The following CORO2B variants were observed in gnomAD, a reference collection of about 807,000 sequenced individuals.
The protein encoded by CORO2B is coronin 2B.
CORO2B carries 26 observed loss-of-function variants against 58.8 expected under a neutral mutation model. The observed-to-expected ratio is 0.44, with a 90% confidence interval of 0.32 to 0.61. The LOEUF (loss-of-function observed/expected upper bound fraction) is 0.61. Among genes scored for constraint, CORO2B ranks in the 20% least tolerant of loss-of-function variants. The pLI is 0.04. For missense variants in CORO2B, 460 were observed against 645.1 expected, an observed-to-expected ratio of 0.71 and a Z score of 3.11; for synonymous variants, 242 against 253.8, an observed-to-expected ratio of 0.95 and a Z score of 0.44.
At chr15:68,581,405 C>A (rs577190588) in intron 1 of CORO2B, among the ~76,000 whole-genome samples, 8 of 152,234 alleles carry the variant, frequency 5.3e-5, no homozygotes, top group Admixed American at 5.2e-4. Flanking sequence ...AGGAAAGGCA[C>A]TGGGGACTGC....
intron 1 of CORO2B, among the ~76,000 whole-genome samples, chr15:68,611,050 A>G (rs193054608): frequency 1.3e-5 from 2 of 152,224 alleles, no homozygotes; most frequent in Non-Finnish European, 2.9e-5. Context: ...AGCTAAGCTA[A>G]TCCAACCTCA....
the CORO2B span, among the ~76,000 whole-genome samples, chr15:68,523,961 C>T: frequency 4.0e-3 from 609 of 152,282 alleles, 6 homozygotes; most frequent in African/African-American, 0.014. Context: ...CTCAGTGGCT[C>T]ATGCTTACAA....
rs995567019 is a variant in CORO2B at position 68,701,187 on chromosome 15, C to T, written c.333+5931C>T. Among the ~76,000 whole-genome samples the T allele has an allele frequency of 4.6e-5, 7 of 152,322 alleles. No homozygotes were observed. The East Asian group carries it at 1.4e-3, about 29-fold the overall frequency. ...GTCTTCACTAATGATTTAGCAGCCA[C>T]AGAGAAAGCAGCAGTATGGCTCCCT... On this transcript the variant is annotated intron_variant, in intron 3 of 11. Coordinates refer to ENST00000261861, the MANE Select transcript of CORO2B (RefSeq NM_006091.5).
At chr15:68,534,682 TTA>T in the CORO2B span, among the ~76,000 whole-genome samples, 2,004 of 152,242 alleles carry the variant, frequency 0.013, 19 homozygotes, top group South Asian at 0.04. Context: ...ACACAATGGG[TTA>T]TGTTACATGA....
intron 1 of CORO2B, among the ~76,000 whole-genome samples, chr15:68,612,050 C>T (rs565620420): frequency 6.6e-5 from 10 of 152,354 alleles, no homozygotes; most frequent in African/African-American, 2.4e-4. Context: ...AGGCTATAGG[C>T]AGGAGCCACT....
intron 2 of CORO2B, among the ~76,000 whole-genome samples, chr15:68,690,862 C>T (rs998437294): frequency 3.3e-5 from 5 of 151,404 alleles, no homozygotes; most frequent in Non-Finnish European, 7.4e-5. Context: ...GCCATGTTTC[C>T]CAGGCTGGTC....
At chr15:68,559,847 G>A in the CORO2B span, among the ~76,000 whole-genome samples, 1 of 152,256 alleles carries the variant, frequency 6.6e-6, no homozygotes, top group Admixed American at 6.5e-5. This position sits in a 1 kb window ranked among gnomAD's most constrained non-coding sequence, Gnocchi z 4.3. Flanking sequence ...CCGCAAACGC[G>A]CGCGCACGGA....
chr15:68,716,510 T>A (rs1893035408), intron 8 of CORO2B, among the ~76,000 whole-genome samples: 1 of 152,176 alleles, frequency 6.6e-6, no homozygotes, highest in African/African-American at 2.4e-5. Context: ...ATGGCCTTAC[T>A]CTCATGGAGA....
the CORO2B span, among the ~76,000 whole-genome samples, chr15:68,571,454 C>CAA: frequency 2.6e-5 from 4 of 152,140 alleles, no homozygotes; most frequent in African/African-American, 9.7e-5. Context: ...CAATAAAGAA[C>CAA]ACAAAGAGAT....
chr15:68,599,945 G>A (rs1055176444), intron 1 of CORO2B, among the ~76,000 whole-genome samples: 1 of 152,200 alleles, frequency 6.6e-6, no homozygotes, highest in Non-Finnish European at 1.5e-5. Flanking sequence ...CTGGCTAGGA[G>A]GCATGCCCCT....
At chr15:68,601,801 G>T (rs1284340937) in intron 1 of CORO2B, among the ~76,000 whole-genome samples, 1 of 152,198 alleles carries the variant, frequency 6.6e-6, no homozygotes, top group Admixed American at 6.5e-5. Context: ...TATTGTCTTA[G>T]TCCCTCTGTG....
At chr15:68,545,613 G>T in the CORO2B span, among the ~76,000 whole-genome samples, 13 of 2,970 alleles carry the variant, frequency 4.4e-3, no homozygotes, top group South Asian at 0.014. Flanking sequence ...TGCGGGGGGC[G>T]GGGGGGGTAA....
chr15:68,702,015 G>A (rs921760975), intron 3 of CORO2B, among the ~76,000 whole-genome samples: 1 of 152,120 alleles, frequency 6.6e-6, no homozygotes, highest in Non-Finnish European at 1.5e-5. Flanking sequence ...GGCTGAGGTG[G>A]GTGGATCACC....
chr15:68,632,404 A>G, intron 1 of CORO2B: 1 of 985,448 alleles, frequency 1.0e-6, no homozygotes, highest in Non-Finnish European at 1.2e-6. Context: ...AGTCAGCCAG[A>G]CAGGACTCTT....
chr15:68,556,092 CAG>C, the CORO2B span, among the ~76,000 whole-genome samples: 47 of 152,310 alleles, frequency 3.1e-4, 2 homozygotes, highest in South Asian at 9.8e-3. Context: ...AGGACAGGCC[CAG>C]AGACAGGACG....
In CORO2B at chr15:68,710,860, C is replaced by T. The variant is rs775256434; in HGVS notation, c.462C>T (p.Phe154=). The T allele has an allele frequency of 5.0e-6, 8 of 1,609,534 alleles. No individual in the cohort carries two copies. Among genetic ancestry groups the T allele is most frequent in the Non-Finnish European group, 6.8e-6 (8 of 1,178,180 alleles). The change falls in exon 4 of 12, where the codon TTC becomes TTT. Residue 154 remains phenylalanine, a synonymous_variant. Transcript: ENST00000261861. This position sits in a 1 kb window ranked among gnomAD's most constrained non-coding sequence, Gnocchi z 4.1. The stretch of plus-strand genomic sequence containing the variant: ...ACCCCACCACCAACAACATCCTGTT[C>T]AGCGCTGGCTACGACTACAAGGTAT... ...EWHPTTNNIL[F]SAGYDYKVLI... is the part of the protein sequence containing the mutation.
the CORO2B span, among the ~76,000 whole-genome samples, chr15:68,520,775 G>C: frequency 1.3e-5 from 2 of 152,246 alleles, no homozygotes; most frequent in African/African-American, 4.8e-5. Flanking sequence ...GCCGGGTGCA[G>C]TAGCTCATGC....
chr15:68,715,354 C>A lies in CORO2B; in HGVS notation c.967+43C>A, dbSNP rs759043362. 4.2e-6 allele frequency: 6 copies of A among 1,420,234 alleles called. No homozygotes were observed. The East Asian group carries it at 9.1e-5, about 22-fold the overall frequency. The allele number at this position is 1,420,234 out of a possible 1,614,324, so 88.0% of individuals were successfully genotyped here. ...TGCCACAGCTGGTGTGCTCATGGCA[C>A]GGGAGGACATCTGGCCCATGGGTCA... On this transcript the variant is annotated intron_variant, in intron 8 of 11. Coordinates refer to ENST00000261861, the MANE Select transcript of CORO2B (RefSeq NM_006091.5).
intron 11 of CORO2B, among the ~76,000 whole-genome samples, chr15:68,724,170 C>G (rs1278617390): frequency 6.6e-6 from 1 of 152,120 alleles, no homozygotes; most frequent in African/African-American, 2.4e-5. Flanking sequence ...CCACTGCACT[C>G]CAGTCTGGGT....
Sources: gnomAD v4.1 joint callset for allele counts (sites outside exome capture counted in the v4.1 genomes callset) on GRCh38, gnomAD v4.1.1 for gene constraint, Gnocchi (gnomAD v3.1) non-coding constraint, MANE v1.5 for transcripts, NCBI Gene and HGNC (gene_info 2026-07-23, HGNC 2026-07-21) for gene names.